DAAM1: variants seen among roughly 807,000 people sequenced by gnomAD.
DAAM1 encodes dishevelled associated activator of morphogenesis 1.
DAAM1 carries 52 observed loss-of-function variants against 130.0 expected under a neutral mutation model. The observed-to-expected ratio is 0.40, with a 90% confidence interval of 0.32 to 0.50. The LOEUF is 0.50. DAAM1 is among the 20% of genes least tolerant of loss of function. The probability of loss-of-function intolerance (pLI) is 0.61; values close to 1 mark genes in which losing one functional copy is unlikely to be tolerated. For synonymous variants in DAAM1, 452 were observed against 444.5 expected, an observed-to-expected ratio of 1.02 and a Z score of -0.21; for missense variants, 1,134 against 1,303.8, an observed-to-expected ratio of 0.87 and a Z score of 2.01.
At chr14:59,354,480 G>A (rs1421447966) in intron 19 of DAAM1, among the ~76,000 whole-genome samples, 3 of 152,138 alleles carry the variant, frequency 2.0e-5, no homozygotes, top group Non-Finnish European at 4.4e-5. Context: ...ACGCCTCCTG[G>A]GCTCCTCTAC....
rs36023292 is a variant in DAAM1 at position 59,346,138 on chromosome 14, T to TG, written c.2076-1388dup. ...ACATACAAACACAATCCCTTTTTTT[T>TG]GGGGGGGGGGGGGTGCCTGGAGGGA... On this transcript the variant is annotated intron_variant, in intron 16 of 24. Transcript: ENST00000360909. 4.1e-3 allele frequency among the ~76,000 whole-genome samples: 494 copies of TG among 119,484 alleles called. 3 individuals are homozygous for TG. Among genetic ancestry groups the TG allele is most frequent in the African/African-American group, 0.011 (359 of 32,104 alleles). The allele number at this position is 119,484 out of a possible 152,430, so 78.4% of individuals were successfully genotyped here.
intron 1 of DAAM1, among the ~76,000 whole-genome samples, chr14:59,199,037 T>C (rs1260423821): frequency 6.6e-6 from 1 of 152,214 alleles, no homozygotes; most frequent in Non-Finnish European, 1.5e-5. Flanking sequence ...TTCCCTAAAA[T>C]GGAGATCGGT....
At chr14:59,273,133 T>G (rs1300963495) in intron 2 of DAAM1, among the ~76,000 whole-genome samples, 1 of 152,194 alleles carries the variant, frequency 6.6e-6, no homozygotes, top group African/African-American at 2.4e-5. Flanking sequence ...TCAAAATGAT[T>G]TCTTAAGTTT....
Position 59,369,027 on chromosome 14 carries a change from G to A in DAAM1, c.*168G>A, listed in dbSNP as rs1017030198. 6 of 601,664 alleles carry A rather than the reference G, an allele frequency of 1.0e-5. No individual in the cohort carries two copies. Among genetic ancestry groups the A allele is most frequent in the African/African-American group, 1.9e-5 (1 of 53,692 alleles). 37.3% of individuals were successfully genotyped at this position (601,664 alleles called of 1,614,324 possible). ...TGTATGTGTGTATATATTAAAAAAT[G>A]TATATAGATGTCTGAGTGTTGTCTG... is the stretch of plus-strand genomic sequence containing the variant. On this transcript the variant is annotated 3_prime_UTR_variant, in exon 25 of 25. Coordinates refer to ENST00000360909, the MANE Select transcript of DAAM1 (RefSeq NM_001270520.2).
At chr14:59,221,343 C>A (rs752790869) in intron 1 of DAAM1, among the ~76,000 whole-genome samples, 24 of 152,206 alleles carry the variant, frequency 1.6e-4, no homozygotes, top group Non-Finnish European at 2.8e-4. Context: ...TATATACACA[C>A]AAACGTATTC....
chr14:59,310,946 A>G (rs1448686422), intron 3 of DAAM1, among the ~76,000 whole-genome samples: 1 of 145,150 alleles, frequency 6.9e-6, no homozygotes, highest in Non-Finnish European at 1.5e-5. Flanking sequence ...GGCCTTACTA[A>G]GAACATCTTA....
chr14:59,324,325 G>A (rs1336518899), intron 7 of DAAM1, 26 bp from the exon 8 acceptor site: 3 of 1,527,586 alleles, frequency 2.0e-6, no homozygotes, highest in Non-Finnish European at 2.6e-6. Flanking sequence ...CCACAAATAT[G>A]TATTTTATTG....
chr14:59,243,098 G>A (rs1011085005), intron 1 of DAAM1, among the ~76,000 whole-genome samples: 13 of 152,098 alleles, frequency 8.5e-5, no homozygotes, highest in African/African-American at 2.9e-4. Flanking sequence ...TTAGTGGTAG[G>A]GCTGGGAACT....
intron 1 of DAAM1, among the ~76,000 whole-genome samples, chr14:59,247,101 T>C (rs1881418637): frequency 6.6e-6 from 1 of 152,170 alleles, no homozygotes. Flanking sequence ...CCTCATTCTT[T>C]TGCATGCAGA....
intron 8 of DAAM1, among the ~76,000 whole-genome samples, chr14:59,325,137 C>A (rs1186152242): frequency 6.6e-6 from 1 of 152,196 alleles, no homozygotes; most frequent in Non-Finnish European, 1.5e-5. Flanking sequence ...TGGAGAGAGA[C>A]CTGTTCTAAC....
intron 1 of DAAM1, among the ~76,000 whole-genome samples, chr14:59,236,596 A>T (rs1242281559): frequency 6.6e-6 from 1 of 152,098 alleles, no homozygotes; most frequent in Non-Finnish European, 1.5e-5. Flanking sequence ...TTTCTAAAGA[A>T]TCACTCTTCC....
intron 1 of DAAM1, among the ~76,000 whole-genome samples, chr14:59,226,151 A>G (rs1888937197): frequency 6.6e-6 from 1 of 152,060 alleles, no homozygotes; most frequent in Non-Finnish European, 1.5e-5. Context: ...ACTGGAATGC[A>G]TTTGGTAGAA....
chr14:59,307,661 A>G (rs556234985), intron 3 of DAAM1, among the ~76,000 whole-genome samples: 14 of 152,310 alleles, frequency 9.2e-5, no homozygotes, highest in African/African-American at 3.4e-4. Context: ...AAGAAAAGGA[A>G]GGAGCAGAGC....
At chr14:59,226,224 T>C (rs185697331) in intron 1 of DAAM1, among the ~76,000 whole-genome samples, 161 of 152,322 alleles carry the variant, frequency 1.1e-3, no homozygotes, top group African/African-American at 3.7e-3. Context: ...CCTTAGTATA[T>C]TGCTCTGTTT....
intron 3 of DAAM1, among the ~76,000 whole-genome samples, chr14:59,311,189 T>C (rs747165766): frequency 2.0e-5 from 3 of 152,172 alleles, no homozygotes; most frequent in Non-Finnish European, 4.4e-5. Context: ...AGTATAGAAA[T>C]TTTGAAAATT....
At chr14:59,340,016 A>G in intron 15 of DAAM1, 58 bp from the exon 16 acceptor site, 1 of 1,469,800 alleles carries the variant, frequency 6.8e-7, no homozygotes, top group Non-Finnish European at 9.5e-7. Context: ...GAAAGTGTGT[A>G]TCTGAAGTCT....
chr14:59,191,454 AAGT>A lies in DAAM1; in HGVS notation c.-38+2689_-38+2691del, dbSNP rs140604803. Among the ~76,000 whole-genome samples, 385 of 152,284 alleles carry A rather than the reference AAGT, an allele frequency of 2.5e-3. 9 individuals carry two copies. The East Asian group carries it at 0.07, about 28-fold the overall frequency. On this transcript the variant is annotated intron_variant, in intron 1 of 24. Transcript: ENST00000360909. ...AATAAATATATGTTAAACGAATATTAAGTAGCAGAACTATGATTGGAGATCCAA... is the reference window on the plus strand; with the variant it reads ...AATAAATATATGTTAAACGAATATTAAGCAGAACTATGATTGGAGATCCAA...
chr14:59,284,671 T>C (rs1883363294), intron 2 of DAAM1, among the ~76,000 whole-genome samples: 1 of 150,578 alleles, frequency 6.6e-6, no homozygotes, highest in South Asian at 2.1e-4. Context: ...AATTTCAAAA[T>C]ACAATTGGAA....
chr14:59,354,805 T>C (rs1305305432), intron 19 of DAAM1, among the ~76,000 whole-genome samples: 4 of 152,210 alleles, frequency 2.6e-5, no homozygotes, highest in African/African-American at 9.7e-5. Context: ...TCAATACTCC[T>C]GTTAACCTGA....
Sources: gnomAD v4.1 joint callset for allele counts (sites outside exome capture counted in the v4.1 genomes callset) on GRCh38, gnomAD v4.1.1 for gene constraint, MANE v1.5 for transcripts, NCBI Gene and HGNC (gene_info 2026-07-23, HGNC 2026-07-21) for gene names.